The following CHN1 variants were observed in gnomAD, a reference collection of about 807,000 sequenced individuals.
The protein encoded by CHN1 is N-chimaerin.
Under a neutral mutation model 59.5 loss-of-function variants are expected in CHN1, and 37 were observed. The ratio of observed to expected loss-of-function variants is 0.62; its 90% CI spans 0.48 to 0.82. CHN1 has a LOEUF of 0.82. Ranked by LOEUF, CHN1 falls within the 40% of genes least tolerant of loss-of-function variation. CHN1 has a pLI of 0.00. For synonymous variants in CHN1, 206 were observed against 200.4 expected (o/e 1.03, Z -0.24); for missense variants, 469 against 571.0 (o/e 0.82, Z 1.82).
At chr2:174,800,466 G>C (rs1353948879) in intron 12 of CHN1, among the ~76,000 whole-genome samples, 179 bp from the exon 13 acceptor site, 2 of 152,172 alleles carry the variant, frequency 1.3e-5, no homozygotes, top group African/African-American at 4.8e-5. Flanking sequence ...ATTATGTCAA[G>C]AGATAATTTA....
At chr2:174,968,957 A>G (rs1358308280) in intron 1 of CHN1, among the ~76,000 whole-genome samples, 1 of 152,182 alleles carries the variant, frequency 6.6e-6, no homozygotes, top group Non-Finnish European at 1.5e-5. Flanking sequence ...TCTTTATCCC[A>G]TTGAATGTGA....
intron 1 of CHN1, among the ~76,000 whole-genome samples, chr2:174,982,847 CAT>C (rs1015916000): frequency 6.6e-6 from 1 of 152,006 alleles, no homozygotes; most frequent in Non-Finnish European, 1.5e-5. Flanking sequence ...AAATTTAAAA[CAT>C]ATTTTAAAAT....
intron 7 of CHN1, among the ~76,000 whole-genome samples, chr2:174,844,227 T>A (rs1257197442): frequency 6.7e-6 from 1 of 150,238 alleles, no homozygotes; most frequent in African/African-American, 2.4e-5. Flanking sequence ...CCATGTTACA[T>A]AACATAGCAA....
chr2:174,879,909 G>C (rs986921207), intron 5 of CHN1, among the ~76,000 whole-genome samples: 6 of 152,116 alleles, frequency 3.9e-5, no homozygotes, highest in African/African-American at 1.2e-4. Context: ...GAAGTATGGG[G>C]GGCACAGGGC....
chr2:174,987,378 C>T (rs181767540), intron 1 of CHN1, among the ~76,000 whole-genome samples: 4 of 151,524 alleles, frequency 2.6e-5, no homozygotes, highest in East Asian at 1.9e-4. Flanking sequence ...AATTATATTA[C>T]GGCCTCTTGG....
chr2:174,973,172 T>C (rs1690813306), intron 1 of CHN1, among the ~76,000 whole-genome samples: 2 of 152,198 alleles, frequency 1.3e-5, no homozygotes, highest in Admixed American at 1.3e-4. Context: ...CTCTGGTATC[T>C]TCCACAGTTG....
chr2:174,971,045 G>A (rs189483665), intron 1 of CHN1, among the ~76,000 whole-genome samples: 2 of 152,286 alleles, frequency 1.3e-5, no homozygotes, highest in East Asian at 1.9e-4. Context: ...TCGACTGGGC[G>A]TGGTGGCTCA....
chr2:174,906,985 T>C (rs1307054712), intron 5 of CHN1, among the ~76,000 whole-genome samples: 1 of 152,228 alleles, frequency 6.6e-6, no homozygotes, highest in African/African-American at 2.4e-5. Context: ...CTTCCGTCTT[T>C]TCCTCCTGGT....
In CHN1 at chr2:174,800,027, A is replaced by G. The variant is rs1406296194; in HGVS notation, c.*89T>C. 4.8e-6 allele frequency: 6 copies of G among 1,262,608 alleles called. No individual in the cohort carries two copies. Among genetic ancestry groups the G allele is most frequent in the Non-Finnish European group, 6.7e-6 (6 of 893,582 alleles). The allele number at this position is 1,262,608 out of a possible 1,614,324, so 78.2% of individuals were successfully genotyped here. A position where few individuals can be genotyped will look rare whatever the true frequency, so the allele number is the denominator to read the frequency against. The stretch of plus-strand genomic sequence containing the variant: ...TGGTTATATGCCCAAACCTCTAATC[A>G]AGAAATAATGCAGCTACAGGAGCAA... On this transcript the variant is annotated 3_prime_UTR_variant, in exon 13 of 13. Transcript: ENST00000409900.
intron 10 of CHN1, 57 bp downstream of exon 10, chr2:174,811,454 G>A (rs2105382904): frequency 1.7e-6 from 2 of 1,152,224 alleles, no homozygotes; most frequent in South Asian, 2.9e-5. Context: ...AAGAAATTGT[G>A]CCTTTTTAGA....
At chr2:174,922,968 T>G (rs775976482) in intron 3 of CHN1, among the ~76,000 whole-genome samples, 1 of 152,112 alleles carries the variant, frequency 6.6e-6, no homozygotes, top group Non-Finnish European at 1.5e-5. Context: ...TCTGGAAGTA[T>G]GCATACCAAA....
intron 6 of CHN1, among the ~76,000 whole-genome samples, chr2:174,850,266 C>G (rs1686685713): frequency 6.6e-5 from 10 of 152,024 alleles, no homozygotes; most frequent in Admixed American, 6.6e-4. Flanking sequence ...ATGTGTATTT[C>G]TACACACCTT....
At chr2:174,975,333 AG>A (rs1213913040) in intron 1 of CHN1, among the ~76,000 whole-genome samples, 2 of 152,208 alleles carry the variant, frequency 1.3e-5, no homozygotes, top group African/African-American at 2.4e-5. Flanking sequence ...AAACATTGAA[AG>A]AATAGTACAA....
intron 6 of CHN1, among the ~76,000 whole-genome samples, chr2:174,853,699 G>A (rs1686812427): frequency 6.6e-6 from 1 of 152,068 alleles, no homozygotes; most frequent in African/African-American, 2.4e-5. Flanking sequence ...ATCAACCCAG[G>A]TGCCCATCAA....
At chr2:175,003,683 A>G (rs765460877) in intron 1 of CHN1, among the ~76,000 whole-genome samples, 6 of 152,212 alleles carry the variant, frequency 3.9e-5, no homozygotes, top group Non-Finnish European at 8.8e-5. Context: ...TAAAGTACCT[A>G]TGGAGGATCA....
intron 8 of CHN1, among the ~76,000 whole-genome samples, chr2:174,824,153 C>G (rs1177296885): frequency 6.6e-6 from 1 of 152,192 alleles, no homozygotes; most frequent in Admixed American, 6.5e-5. Flanking sequence ...AACTGCCTTA[C>G]TTTTATCTCC....
chr2:174,980,453 T>C (rs1008522745), intron 1 of CHN1, among the ~76,000 whole-genome samples: 2 of 152,220 alleles, frequency 1.3e-5, no homozygotes, highest in African/African-American at 2.4e-5. Flanking sequence ...GTCCTGTTTA[T>C]ACATGTGAAA....
intron 3 of CHN1, among the ~76,000 whole-genome samples, chr2:174,923,098 G>A (rs561639142): frequency 4.6e-5 from 7 of 151,864 alleles, no homozygotes; most frequent in South Asian, 2.1e-4. Flanking sequence ...AAATGTATTC[G>A]TACATTAATT....
intron 2 of CHN1, among the ~76,000 whole-genome samples, chr2:174,948,450 G>A (rs1044991148): frequency 2.4e-4 from 37 of 152,088 alleles, no homozygotes; most frequent in Non-Finnish European, 4.4e-4. Flanking sequence ...CGACAAAACC[G>A]TATTTGTTTA....
Sources: allele counts gnomAD v4.1 joint callset (sites outside exome capture counted in the v4.1 genomes callset), GRCh38; gene constraint gnomAD v4.1.1; transcripts MANE v1.5; gene names NCBI Gene and HGNC (gene_info 2026-07-23, HGNC 2026-07-21).